IL4I1: variants seen among roughly 807,000 people sequenced by gnomAD.
The protein encoded by IL4I1 is L-amino-acid oxidase.
In IL4I1, 24 loss-of-function variants were observed where a neutral mutation model predicts 29.7. That is an observed-to-expected ratio of 0.81 (90% confidence interval 0.59 to 1.14). The LOEUF (loss-of-function observed/expected upper bound fraction) is 1.14. Ranked by LOEUF, IL4I1 falls within the 50% of genes most tolerant of loss-of-function variation. IL4I1 has a pLI of 0.00. For missense variants in IL4I1, 686 were observed against 785.6 expected, an observed-to-expected ratio of 0.87 and a Z score of 1.52; for synonymous variants, 371 against 352.5, an observed-to-expected ratio of 1.05 and a Z score of -0.59.
chr19:49,924,857 C>T (rs1231287314), intron 2 of IL4I1, among the ~76,000 whole-genome samples: 2 of 152,156 alleles, frequency 1.3e-5, no homozygotes, highest in South Asian at 2.1e-4. Context: ...AGAGAAAAGG[C>T]GGCAAAACGG....
chr19:49,899,453 C>T (rs1171201073), upstream of IL4I1, among the ~76,000 whole-genome samples: 7 of 152,090 alleles, frequency 4.6e-5, no homozygotes, highest in East Asian at 1.9e-4. Flanking sequence ...GGCACAATCT[C>T]GGCTCACTGC....
At chr19:49,890,623 T>TG in intron 7 of IL4I1, 23 bp from the exon 8 acceptor site, 15 of 1,441,822 alleles carry the variant, frequency 1.0e-5, no homozygotes, top group Non-Finnish European at 1.4e-5. Flanking sequence ...CGGGGCGGGG[T>TG]GGGGGCGTGA....
chr19:49,906,303 G>C (rs578174359), intron 2 of IL4I1, among the ~76,000 whole-genome samples: 1 of 152,132 alleles, frequency 6.6e-6, no homozygotes, highest in Non-Finnish European at 1.5e-5. Context: ...CAAAGGCCTG[G>C]GCTTAAATGA....
At chr19:49,919,930 A>AC (rs1287378263) in intron 2 of IL4I1, among the ~76,000 whole-genome samples, 19 of 152,162 alleles carry the variant, frequency 1.2e-4, no homozygotes, top group Admixed American at 1.2e-3. Context: ...CATTAAAAAA[A>AC]AATTTTTTTT....
chr19:49,923,433 G>A (rs910163759), intron 2 of IL4I1, among the ~76,000 whole-genome samples: 1 of 152,238 alleles, frequency 6.6e-6, no homozygotes, highest in Admixed American at 6.5e-5. Context: ...TTCTGGGAAT[G>A]AGGAGGGCCC....
rs143482140 is a variant in IL4I1 at position 49,914,121 on chromosome 19, G to A, written c.-227-9800C>T. Among the ~76,000 whole-genome samples the A allele has an allele frequency of 2.6e-5, 4 of 152,306 alleles. No homozygotes were observed. The East Asian group carries it at 5.8e-4, about 22-fold the overall frequency. ...CCCAGTACTTTCGGAGGCCAAGGCA[G>A]GAGGATTGCTTAAGCCCAGGAGTTT... On this transcript the variant is annotated intron_variant, in intron 2 of 9. Coordinates refer to the IL4I1 transcript ENST00000341114.
At chr19:49,897,243 C>T (rs571090805), upstream of IL4I1, among the ~76,000 whole-genome samples, 1 of 152,198 alleles carries the variant, frequency 6.6e-6, no homozygotes, top group South Asian at 2.1e-4. Context: ...AGAGGGGCTA[C>T]AGGTCCCTGG....
intron 2 of IL4I1, among the ~76,000 whole-genome samples, chr19:49,918,919 G>C (rs1361841797): frequency 4.6e-5 from 7 of 150,914 alleles, no homozygotes; most frequent in African/African-American, 1.7e-4. Flanking sequence ...CGGGGTGTGG[G>C]GGGGCGGATC....
At position 49,908,470 on chromosome 19, in the gene IL4I1, G is replaced by A. The variant is rs146748194; in HGVS notation, c.-227-4149C>T. On this transcript the variant is annotated intron_variant, in intron 2 of 9. Coordinates refer to the IL4I1 transcript ENST00000341114. ...TGATGTCCTTGAGATCCTGGGCCAT[G>A]CGCTTGAGCTGTGCATCGATGTTCT... 733 of 1,614,188 alleles carry A rather than the reference G, an allele frequency of 4.5e-4. 11 individuals carry two copies. The South Asian group carries it at 7.2e-3, about 16-fold the overall frequency.
At chr19:49,906,572 C>T (rs943962764) in intron 2 of IL4I1, among the ~76,000 whole-genome samples, 3 of 152,188 alleles carry the variant, frequency 2.0e-5, no homozygotes, top group Non-Finnish European at 4.4e-5. Flanking sequence ...CTCCCCGTGG[C>T]GGCTTCACTC....
intron 3 of IL4I1, among the ~76,000 whole-genome samples, chr19:49,902,359 CTT>C (rs1207280960): frequency 6.7e-5 from 8 of 118,622 alleles, no homozygotes; most frequent in Admixed American, 2.6e-4. Context: ...GCAGCCATTT[CTT>C]TTTTTTTTTT....
At chr19:49,909,579 C>T (rs1459588219) in intron 2 of IL4I1, 3 of 1,614,048 alleles carry the variant, frequency 1.9e-6, no homozygotes, top group African/African-American at 1.3e-5. Context: ...GTCGCTGTTC[C>T]AAAAGTGAAG....
chr19:49,901,066 G>C (rs1360467110), upstream of IL4I1, among the ~76,000 whole-genome samples: 3 of 152,130 alleles, frequency 2.0e-5, no homozygotes, highest in African/African-American at 7.2e-5. Context: ...TCTGTCCAAA[G>C]ACCCTAAGTG....
At chr19:49,902,959 ACG>A (rs1271175366) in intron 3 of IL4I1, among the ~76,000 whole-genome samples, 1 of 151,644 alleles carries the variant, frequency 6.6e-6, no homozygotes, top group African/African-American at 2.4e-5. Context: ...TACTAAAAAT[ACG>A]AAAATTAGCT....
intron 2 of IL4I1, among the ~76,000 whole-genome samples, chr19:49,916,222 A>ATGTTAGAATTAAG (rs547573402): frequency 2.8e-4 from 42 of 152,234 alleles, no homozygotes; most frequent in African/African-American, 9.9e-4. Context: ...TGAGGAAAAG[A>ATGTTAGAATTAAG]TGTTAGAATT....
At chr19:49,914,903 C>A (rs538212264) in intron 2 of IL4I1, among the ~76,000 whole-genome samples, 1 of 151,700 alleles carries the variant, frequency 6.6e-6, no homozygotes, top group Non-Finnish European at 1.5e-5. Flanking sequence ...CCATGCCCAG[C>A]TAATTTTTGT....
At chr19:49,896,911 C>CGAGA, upstream of IL4I1, 1 of 985,078 alleles carries the variant, frequency 1.0e-6, no homozygotes, top group Non-Finnish European at 1.2e-6. Context: ...CCCTTTCTCT[C>CGAGA]CCCTTAAACT....
chr19:49,912,498 T>A (rs548618248), intron 2 of IL4I1, among the ~76,000 whole-genome samples: 18 of 151,938 alleles, frequency 1.2e-4, no homozygotes, highest in South Asian at 2.1e-4. Flanking sequence ...AGTGCCACAT[T>A]GGTTTCCAAT....
rs1295943551 is a variant in IL4I1 at position 49,894,355 on chromosome 19, C to G, written c.480G>C (p.Glu160Asp). The G allele has an allele frequency of 6.2e-7, 1 of 1,614,138 alleles. No individual in the cohort carries two copies. The highest frequency in any genetic ancestry group is 8.5e-7 in the Non-Finnish European group (1 of 1,180,058). ...CGTAGCCCAGCTTCTCGGGCACCTT[C>G]TCCACCACATAGTTGCGCAGCTTCA... ...HEVKLRNYVV[E>D]KVPEKLGYAL... The change falls in exon 5 of 8, where the codon GAG becomes GAC. Residue 160 changes from glutamate (E) to aspartate (D), a missense_variant. By Grantham distance (45) the Glu-to-Asp change is conservative. Coordinates refer to ENST00000391826, the MANE Select transcript of IL4I1 (RefSeq NM_152899.2).
Sources: gnomAD v4.1 joint callset for allele counts (sites outside exome capture counted in the v4.1 genomes callset) on GRCh38, gnomAD v4.1.1 for gene constraint, MANE v1.5 for transcripts, NCBI Gene and HGNC (gene_info 2026-07-23, HGNC 2026-07-21) for gene names.